SMC3: variants seen among roughly 807,000 people sequenced by gnomAD.
SMC3 encodes structural maintenance of chromosomes protein 3.
Under a neutral mutation model 171.8 loss-of-function variants are expected in SMC3, and 20 were observed. The ratio of observed to expected loss-of-function variants is 0.12; its 90% CI spans 0.08 to 0.17. The LOEUF (loss-of-function observed/expected upper bound fraction) is 0.17. Ranked by LOEUF, SMC3 falls within the 10% of genes least tolerant of loss-of-function variation. SMC3 has a pLI of 1.00. For synonymous variants in SMC3, 464 were observed against 451.1 expected (o/e 1.03, Z -0.36); for missense variants, 543 against 1,420.4 (o/e 0.38, Z 9.93).
At chr10:110,592,951 A>C in intron 17 of SMC3, 122 bp from the exon 18 acceptor site, 1 of 860,360 alleles carries the variant, frequency 1.2e-6, no homozygotes, top group Non-Finnish European at 1.9e-6. Context: ...GGAAAACGCC[A>C]ATCGTTTTGA....
chr10:110,567,862 T>G (rs1860797444), intron 1 of SMC3, 31 bp downstream of exon 1: 1 of 1,613,050 alleles, frequency 6.2e-7, no homozygotes, highest in Non-Finnish European at 8.5e-7. Flanking sequence ...CACCCCGTCA[T>G]GGGCCGGTAA....
rs550079591 is a variant in SMC3, at chr10:110,577,967, G to A, written c.350+53G>A. 4.9e-4 allele frequency: 603 copies of A among 1,235,500 alleles called. 11 individuals carry two copies. The South Asian group carries it at 6.5e-3, about 13-fold the overall frequency. The allele number at this position is 1,235,500 out of a possible 1,614,324, so 76.5% of individuals were successfully genotyped here. A position where few individuals can be genotyped will look rare whatever the true frequency, so the allele number is the denominator to read the frequency against. ...ACTGAATATGTACTTAAATAGAGAT[G>A]GGGTATTGCTGTGTTGGCCAGGTTG... On this transcript the variant is annotated intron_variant, in intron 6 of 28. Coordinates refer to ENST00000361804, the MANE Select transcript of SMC3 (RefSeq NM_005445.4).
chr10:110,580,659 C>G (rs1364201595), intron 7 of SMC3, among the ~76,000 whole-genome samples: 2 of 152,162 alleles, frequency 1.3e-5, no homozygotes, highest in African/African-American at 2.4e-5. Flanking sequence ...ACATGACATT[C>G]AAAGGAAATG....
intron 4 of SMC3, among the ~76,000 whole-genome samples, chr10:110,576,718 G>T (rs997101551): frequency 6.6e-6 from 1 of 151,982 alleles, no homozygotes; most frequent in African/African-American, 2.4e-5. Context: ...ATTCTTTTTA[G>T]GTTTTTCAGA....
intron 20 of SMC3, 23 bp from the exon 21 acceptor site, chr10:110,599,627 TACTA>T: frequency 6.2e-7 from 1 of 1,606,136 alleles, no homozygotes; most frequent in South Asian, 1.1e-5. Context: ...GCTAATACCT[TACTA>T]ATAAATGGAT....
chr10:110,582,212 C>T (rs1010119633), intron 9 of SMC3, 114 bp downstream of exon 9: 8 of 981,080 alleles, frequency 8.2e-6, no homozygotes, highest in South Asian at 5.8e-5. Context: ...TTAAAAAAAA[C>T]CTCTCAATGA....
chr10:110,590,150 T>G (rs1044131530), intron 15 of SMC3, among the ~76,000 whole-genome samples, 159 bp downstream of exon 15: 1 of 152,222 alleles, frequency 6.6e-6, no homozygotes, highest in Admixed American at 6.5e-5. Context: ...TTAAATAGTT[T>G]TATTACTACA....
intron 13 of SMC3, among the ~76,000 whole-genome samples, chr10:110,585,802 A>G (rs1163468779): frequency 6.6e-6 from 1 of 150,992 alleles, no homozygotes; most frequent in Admixed American, 6.6e-5. Flanking sequence ...TTTGTCCCTA[A>G]TCTCTTTTTT....
intron 5 of SMC3, 56 bp from the exon 6 acceptor site, chr10:110,577,779 A>G (rs1391337277): frequency 8.2e-7 from 1 of 1,223,376 alleles, no homozygotes; most frequent in Non-Finnish European, 1.2e-6. Context: ...GACCTTATTT[A>G]AAAAGTTTTC....
chr10:110,586,787 A>G (rs1861124292), intron 13 of SMC3, among the ~76,000 whole-genome samples: 1 of 151,986 alleles, frequency 6.6e-6, no homozygotes, highest in African/African-American at 2.4e-5. Context: ...CCTCCCATGT[A>G]GCTGAGATTA....
chr10:110,604,613 AAAT>A lies in SMC3; in HGVS notation c.*315_*317del, dbSNP rs1367288664. ...TACTACCTTTTTTATAGCTTCAATT[AAAT>A]AATCGGTTTTATGACTAATATAGTG... is the stretch of plus-strand genomic sequence containing the variant. On this transcript the variant is annotated 3_prime_UTR_variant, in exon 29 of 29. Coordinates refer to ENST00000361804, the MANE Select transcript of SMC3 (RefSeq NM_005445.4). 1 of 322,282 alleles carries A rather than the reference AAAT, an allele frequency of 3.1e-6. No homozygotes were observed. Among genetic ancestry groups the A allele is most frequent in the East Asian group, 7.6e-5 (1 of 13,154 alleles). The allele number at this position is 322,282 out of a possible 1,614,324, so 20.0% of individuals were successfully genotyped here.
At chr10:110,589,205 C>T (rs866869234) in intron 13 of SMC3, among the ~76,000 whole-genome samples, 8 of 151,834 alleles carry the variant, frequency 5.3e-5, no homozygotes, top group African/African-American at 1.5e-4. Context: ...CTGGCTAACA[C>T]GGTGAAACTC....
At chr10:110,589,407 CCA>C (rs1276501339) in intron 13 of SMC3, among the ~76,000 whole-genome samples, 196 bp from the exon 14 acceptor site, 3 of 151,994 alleles carry the variant, frequency 2.0e-5, no homozygotes, top group African/African-American at 4.8e-5. Flanking sequence ...CTGTAAAACA[CCA>C]CACAGTTAAG....
chr10:110,601,221 T>C (rs1861382005), intron 23 of SMC3, 91 bp downstream of exon 23: 1 of 932,176 alleles, frequency 1.1e-6, no homozygotes, highest in Admixed American at 1.8e-5. Context: ...CAGAAGCATA[T>C]GCTAATGATT....
rs780631946 is a variant in SMC3, at chr10:110,567,863, G to C, written c.15+32G>C. 58 of 1,612,424 alleles carry C rather than the reference G, an allele frequency of 3.6e-5. No individual in the cohort carries two copies. In the Admixed American group the frequency reaches 9.7e-4, roughly 27 times the overall value. On this transcript the variant is annotated intron_variant, in intron 1 of 28. Transcript: ENST00000361804. The stretch of plus-strand genomic sequence containing the variant: ...CCTTCGCGTCCCTCCACCCCGTCAT[G>C]GGCCGGTAAGGGCCGCTCCTTGAGG...
At chr10:110,569,083 T>A (rs1860827467) in intron 2 of SMC3, 70 bp downstream of exon 2, 2 of 965,162 alleles carry the variant, frequency 2.1e-6, no homozygotes, top group South Asian at 2.6e-5. Flanking sequence ...TCCATTTCTA[T>A]ATTGGCTTAA....
chr10:110,587,005 G>A (rs2134731718), intron 13 of SMC3, among the ~76,000 whole-genome samples: 1 of 152,274 alleles, frequency 6.6e-6, no homozygotes, highest in African/African-American at 2.4e-5. Context: ...TTTTTCCACA[G>A]TGTATTTTTA....
chr10:110,579,297 A>G (rs982731867), intron 7 of SMC3, among the ~76,000 whole-genome samples: 1 of 152,190 alleles, frequency 6.6e-6, no homozygotes, highest in African/African-American at 2.4e-5. Context: ...TTGGAAAGTT[A>G]GCATTTAGAA....
chr10:110,574,473 C>T (rs1320260337), intron 3 of SMC3, among the ~76,000 whole-genome samples: 1 of 152,106 alleles, frequency 6.6e-6, no homozygotes, highest in Non-Finnish European at 1.5e-5. Context: ...TTAGTAAGAA[C>T]AAAGGTTCTA....
Sources: allele counts gnomAD v4.1 joint callset (sites outside exome capture counted in the v4.1 genomes callset), GRCh38; gene constraint gnomAD v4.1.1; transcripts MANE v1.5; gene names NCBI Gene and HGNC (gene_info 2026-07-23, HGNC 2026-07-21).